Variants in HEXB observed in about 807,000 individuals in gnomAD.
The protein encoded by HEXB is beta-hexosaminidase subunit beta.
In HEXB, 51 loss-of-function variants were observed where a neutral mutation model predicts 71.2. The observed-to-expected ratio is 0.72, with a 90% CI of 0.57 to 0.90. HEXB has a LOEUF of 0.90. Among genes scored for constraint, HEXB ranks in the 40% least tolerant of loss-of-function variants. The pLI is 0.00. For synonymous variants in HEXB, 266 were observed against 249.3 expected (o/e 1.07, Z -0.63); for missense variants, 617 against 677.0 (o/e 0.91, Z 0.98).
chr5:74,721,037 C>CAT (rs1749834462), intron 13 of HEXB, 81 bp from the exon 14 acceptor site: 9 of 1,149,412 alleles, frequency 7.8e-6, no homozygotes, highest in Non-Finnish European at 9.1e-6. Context: ...TCTAAGATGA[C>CAT]ATGAATATCA....
chr5:74,704,150 C>T (rs1749325193), intron 5 of HEXB, among the ~76,000 whole-genome samples: 1 of 152,210 alleles, frequency 6.6e-6, no homozygotes, highest in East Asian at 1.9e-4. Flanking sequence ...ATGTTAAAAA[C>T]CATGAGTTTG....
chr5:74,718,990 C>T lies in HEXB; in HGVS notation c.1417+19C>T, dbSNP rs1054803356. 1 of 1,612,868 alleles carries T rather than the reference C, an allele frequency of 6.2e-7. No individual in the cohort carries two copies. The highest frequency in any genetic ancestry group is 8.5e-7 in the Non-Finnish European group (1 of 1,178,974). On this transcript the variant is annotated intron_variant, in intron 11 of 13. Transcript: ENST00000261416. ...TTTGGCGGTAAGTGAAGCAGTTGGTCCAAGTGTTGTGGGTTACTGTGAAGC... is the reference window on the plus strand; with the variant it reads ...TTTGGCGGTAAGTGAAGCAGTTGGTTCAAGTGTTGTGGGTTACTGTGAAGC...
At chr5:74,645,372 T>C (rs970259212) in intron 1 of HEXB, among the ~76,000 whole-genome samples, 2 of 152,158 alleles carry the variant, frequency 1.3e-5, no homozygotes, top group African/African-American at 4.8e-5. Context: ...TGGCTCCATA[T>C]AGTATGATTT....
chr5:74,713,448 A>G (rs1749597943), intron 6 of HEXB, 58 bp from the exon 7 acceptor site: 2 of 1,563,046 alleles, frequency 1.3e-6, no homozygotes, highest in East Asian at 2.2e-5. Flanking sequence ...ATTGTTAACA[A>G]TTTCCAGGAT....
upstream of HEXB, among the ~76,000 whole-genome samples, chr5:74,680,606 T>C (rs1469822264): frequency 6.6e-6 from 1 of 152,128 alleles, no homozygotes; most frequent in Admixed American, 6.6e-5. Context: ...TAGAAATAAT[T>C]TGTGGTCAGA....
chr5:74,681,914 T>C (rs1442740665), upstream of HEXB, among the ~76,000 whole-genome samples: 1 of 152,234 alleles, frequency 6.6e-6, no homozygotes, highest in Non-Finnish European at 1.5e-5. Context: ...ATAAAGGCAT[T>C]GTGGCTTCCT....
At chr5:74,661,355 G>A (rs1748315595) in intron 1 of HEXB, among the ~76,000 whole-genome samples, 1 of 152,076 alleles carries the variant, frequency 6.6e-6, no homozygotes, top group African/African-American at 2.4e-5. Flanking sequence ...AGCCAGCTGG[G>A]GACCCATGTC....
intron 2 of HEXB, among the ~76,000 whole-genome samples, chr5:74,691,686 G>A (rs192160071): frequency 2.4e-4 from 36 of 152,302 alleles, no homozygotes; most frequent in African/African-American, 7.9e-4. Flanking sequence ...GAAAATGCCC[G>A]ATAAGTATTT....
chr5:74,709,230 T>G (rs955165930), intron 6 of HEXB, among the ~76,000 whole-genome samples: 7 of 152,166 alleles, frequency 4.6e-5, no homozygotes, highest in African/African-American at 1.7e-4. Context: ...AATAAAGATA[T>G]TCTTTGAAAC....
chr5:74,683,368 A>G (rs567473578), upstream of HEXB, among the ~76,000 whole-genome samples: 5 of 152,004 alleles, frequency 3.3e-5, no homozygotes, highest in South Asian at 8.3e-4. Flanking sequence ...CAGTGGTGCA[A>G]TCTCGGCTCA....
At chr5:74,675,707 C>G (rs926284689) in intron 1 of HEXB, among the ~76,000 whole-genome samples, 1 of 152,108 alleles carries the variant, frequency 6.6e-6, no homozygotes, top group African/African-American at 2.4e-5. Context: ...GGGGAACAAG[C>G]CATTGAAATG....
chr5:74,711,926 A>T (rs1239423171), intron 6 of HEXB, among the ~76,000 whole-genome samples: 1 of 150,098 alleles, frequency 6.7e-6, no homozygotes. Flanking sequence ...CCATCCCATT[A>T]CTGGGTATAT....
At chr5:74,648,728 T>A (rs1485828674) in intron 1 of HEXB, among the ~76,000 whole-genome samples, 1 of 152,256 alleles carries the variant, frequency 6.6e-6, no homozygotes, top group Non-Finnish European at 1.5e-5. Context: ...TGTTCATTTT[T>A]AAAATTCCAT....
chr5:74,670,599 A>G (rs1748516065), intron 1 of HEXB, among the ~76,000 whole-genome samples: 1 of 152,200 alleles, frequency 6.6e-6, no homozygotes, highest in East Asian at 1.9e-4. Context: ...CAGAGCTGCC[A>G]GCCAGGGTGG....
intron 5 of HEXB, among the ~76,000 whole-genome samples, chr5:74,704,545 A>G (rs535878099): frequency 1.3e-5 from 2 of 152,318 alleles, no homozygotes; most frequent in African/African-American, 4.8e-5. Flanking sequence ...TGTGGGAATT[A>G]TAAGTCCTGG....
In HEXB at chr5:74,670,885, C is replaced by G. The variant is rs558116930; in HGVS notation, c.-376-18443C>G. Among the ~76,000 whole-genome samples the G allele has an allele frequency of 2.5e-3, 379 of 152,190 alleles. 2 individuals are homozygous for G. The highest frequency in any genetic ancestry group is 3.6e-3 in the Non-Finnish European group (248 of 67,998). On this transcript the variant is annotated intron_variant, in intron 1 of 13. Transcript: ENST00000511181. Reference sequence around the variant, plus strand: ...CCCGCACTTGCTCGCTCACACACCCCCTCCCACCAGGGGCCAAGCACATAG... The same window carrying G: ...CCCGCACTTGCTCGCTCACACACCCGCTCCCACCAGGGGCCAAGCACATAG...
At chr5:74,674,262 G>A (rs954692871) in intron 1 of HEXB, among the ~76,000 whole-genome samples, 1 of 152,152 alleles carries the variant, frequency 6.6e-6, no homozygotes, top group East Asian at 1.9e-4. Flanking sequence ...CTAGAACAAA[G>A]GGGAAGTTAA....
intron 1 of HEXB, among the ~76,000 whole-genome samples, chr5:74,654,667 A>G (rs187899523): frequency 6.1e-4 from 93 of 152,300 alleles, no homozygotes; most frequent in Non-Finnish European, 9.1e-4. Flanking sequence ...AACGAGGAAT[A>G]AGGAATGAGC....
intron 4 of HEXB, 94 bp from the exon 5 acceptor site, chr5:74,696,901 AT>A: frequency 2.6e-6 from 2 of 779,910 alleles, no homozygotes; most frequent in Non-Finnish European, 4.4e-6. Flanking sequence ...CTAAATTAAT[AT>A]TTTATGAAAT....
Sources: gnomAD v4.1 joint callset for allele counts (sites outside exome capture counted in the v4.1 genomes callset) on GRCh38, gnomAD v4.1.1 for gene constraint, MANE v1.5 for transcripts, NCBI Gene and HGNC (gene_info 2026-07-23, HGNC 2026-07-21) for gene names.